Variants in SYT1 observed in about 807,000 individuals in gnomAD.
SYT1 encodes the protein synaptotagmin-1.
A neutral mutation model predicts 44.8 loss-of-function variants in SYT1; 8 were observed. The observed-to-expected ratio is 0.18, with a 90% CI of 0.10 to 0.32. The LOEUF (loss-of-function observed/expected upper bound fraction) is 0.32. Among genes scored for constraint, SYT1 ranks in the 10% least tolerant of loss-of-function variants. SYT1 has a pLI of 1.00. For synonymous variants in SYT1, 154 were observed against 188.8 expected, an observed-to-expected ratio of 0.82 and a Z score of 1.51; for missense variants, 286 against 509.3, an observed-to-expected ratio of 0.56 and a Z score of 4.22.
At chr12:79,127,039 T>G (rs1440957377) in intron 3 of SYT1, among the ~76,000 whole-genome samples, 2 of 152,224 alleles carry the variant, frequency 1.3e-5, no homozygotes, top group Admixed American at 6.5e-5. Context: ...GCATCTAGTC[T>G]ATTGTCTCAC....
intron 3 of SYT1, among the ~76,000 whole-genome samples, chr12:79,199,386 G>T (rs1013942746): frequency 5.3e-5 from 8 of 151,864 alleles, no homozygotes; most frequent in Non-Finnish European, 1.2e-4. Flanking sequence ...CTCTATATCC[G>T]TTTTTCCCTA....
chr12:79,015,253 A>G (rs979450675), intron 2 of SYT1, among the ~76,000 whole-genome samples: 4 of 152,082 alleles, frequency 2.6e-5, no homozygotes, highest in African/African-American at 9.7e-5. Context: ...GCATTCTAAA[A>G]CTTTGATATT....
intron 10 of SYT1, among the ~76,000 whole-genome samples, chr12:79,446,432 A>T (rs1870740742): frequency 6.6e-6 from 1 of 152,152 alleles, no homozygotes; most frequent in Non-Finnish European, 1.5e-5. Context: ...GCTGTCCAAT[A>T]ATATGATAGC....
At chr12:79,124,976 G>A (rs1046845578) in intron 3 of SYT1, among the ~76,000 whole-genome samples, 3 of 151,958 alleles carry the variant, frequency 2.0e-5, no homozygotes, top group African/African-American at 7.3e-5. Flanking sequence ...GGAAAAAATT[G>A]GAATGTCAAA....
At chr12:78,901,339 G>A (rs1875652681) in intron 1 of SYT1, among the ~76,000 whole-genome samples, 2 of 152,060 alleles carry the variant, frequency 1.3e-5, no homozygotes, top group South Asian at 2.1e-4. Flanking sequence ...TGGTTACTGA[G>A]TTCGAGATTT....
chr12:79,114,670 T>C (rs1340991196), intron 3 of SYT1, among the ~76,000 whole-genome samples: 1 of 152,152 alleles, frequency 6.6e-6, no homozygotes, highest in African/African-American at 2.4e-5. Flanking sequence ...AGAACACAGC[T>C]CTTTGAAGTA....
At chr12:79,020,945 A>T (rs543998177) in intron 2 of SYT1, among the ~76,000 whole-genome samples, 2 of 151,954 alleles carry the variant, frequency 1.3e-5, no homozygotes, top group Non-Finnish European at 2.9e-5. Context: ...TAGGAAACTG[A>T]CATTTTCTCT....
intron 1 of SYT1, among the ~76,000 whole-genome samples, chr12:78,876,814 A>ATAATTATATAT (rs1874136825): frequency 5.0e-5 from 1 of 20,118 alleles, no homozygotes; most frequent in African/African-American, 1.4e-4. Flanking sequence ...TATGTAATAC[A>ATAATTATATAT]TATCATATAT....
At chr12:79,072,658 A>G (rs943169759) in intron 3 of SYT1, among the ~76,000 whole-genome samples, 8 of 152,186 alleles carry the variant, frequency 5.3e-5, no homozygotes, top group Non-Finnish European at 8.8e-5. Flanking sequence ...GAACTTGCAG[A>G]GAAAACAAAA....
rs1022100343 is a variant in SYT1 at position 79,292,000 on chromosome 12, A to G, written c.352-8A>G. The stretch of plus-strand genomic sequence containing the variant: ...GAAATTCACATGTGATCCTTTCTCT[A>G]TACATAGGCCCTCAAGGATGATGAT... On this transcript the variant is annotated splice_region_variant and splice_polypyrimidine_tract_variant and intron_variant, in intron 5 of 10. Coordinates refer to ENST00000261205, the MANE Select transcript of SYT1 (RefSeq NM_005639.3). 6.2e-7 allele frequency: 1 copy of G among 1,613,496 alleles called. No individual in the cohort carries two copies. The highest frequency in any genetic ancestry group is 1.3e-5 in the African/African-American group (1 of 74,824).
chr12:79,217,414 C>T, intron 3 of SYT1, 89 bp from the exon 4 acceptor site: 2 of 1,192,588 alleles, frequency 1.7e-6, no homozygotes, highest in Non-Finnish European at 2.2e-6. Flanking sequence ...GGTGCCACCT[C>T]TGATGTTGTT....
At chr12:79,130,446 A>G (rs1313448448) in intron 3 of SYT1, among the ~76,000 whole-genome samples, 1 of 152,204 alleles carries the variant, frequency 6.6e-6, no homozygotes, top group African/African-American at 2.4e-5. Flanking sequence ...GCAGTTCTCC[A>G]TGGATGTCTG....
chr12:79,069,779 C>T (rs953823569), intron 3 of SYT1, among the ~76,000 whole-genome samples: 14 of 151,930 alleles, frequency 9.2e-5, no homozygotes, highest in African/African-American at 3.1e-4. Context: ...TTGTGTTACT[C>T]TTTTTATTTT....
chr12:79,040,991 T>A (rs1400412757), intron 2 of SYT1, among the ~76,000 whole-genome samples: 1 of 152,086 alleles, frequency 6.6e-6, no homozygotes, highest in Non-Finnish European at 1.5e-5. Flanking sequence ...ATATCTCTGT[T>A]TTGGTACCAG....
rs376703398 is a variant in SYT1 at position 79,062,985 on chromosome 12, A to G, written c.-18+15623A>G. Among the ~76,000 whole-genome samples, 14 of 152,268 alleles carry G rather than the reference A, an allele frequency of 9.2e-5. No homozygotes were observed. The East Asian group carries it at 1.7e-3, about 19-fold the overall frequency. On this transcript the variant is annotated intron_variant, in intron 3 of 10. Transcript: ENST00000261205. ...GTCCAAGACAAGAATGATTACTTCTATCTTTCTAATTGTGGTTGACTTCTA... is the reference window on the plus strand; with the variant it reads ...GTCCAAGACAAGAATGATTACTTCTGTCTTTCTAATTGTGGTTGACTTCTA...
chr12:79,248,537 T>G (rs1876988796), intron 4 of SYT1, among the ~76,000 whole-genome samples: 1 of 152,202 alleles, frequency 6.6e-6, no homozygotes, highest in South Asian at 2.1e-4. Flanking sequence ...GTATGGTGTT[T>G]GTGAAAATGA....
At chr12:79,407,392 A>G (rs1383045069) in intron 9 of SYT1, among the ~76,000 whole-genome samples, 1 of 152,088 alleles carries the variant, frequency 6.6e-6, no homozygotes, top group Non-Finnish European at 1.5e-5. Context: ...AGGTAAGACC[A>G]TGACAGTACC....
chr12:79,315,515 TA>T (rs1189996236), intron 8 of SYT1, among the ~76,000 whole-genome samples: 2 of 152,004 alleles, frequency 1.3e-5, no homozygotes, highest in Non-Finnish European at 2.9e-5. Flanking sequence ...AATCTGTTTT[TA>T]AAAAAAAGTT....
chr12:79,179,538 G>GATATAGAGATATAGATATAGAT (rs1565842550), intron 3 of SYT1, among the ~76,000 whole-genome samples: 36 of 30,104 alleles, frequency 1.2e-3, no homozygotes, highest in East Asian at 3.3e-3. Flanking sequence ...TATAGATATA[G>GATATAGAGATATAGATATAGAT]ATATAGAGAT....
Sources: allele counts gnomAD v4.1 joint callset (sites outside exome capture counted in the v4.1 genomes callset), GRCh38; gene constraint gnomAD v4.1.1; transcripts MANE v1.5; gene names NCBI Gene and HGNC (gene_info 2026-07-23, HGNC 2026-07-21).